The following NELL2 variants were observed in gnomAD, a reference collection of about 807,000 sequenced individuals.
NELL2 encodes protein kinase C-binding protein NELL2.
In NELL2, 41 loss-of-function variants were observed where a neutral mutation model predicts 109.6. The ratio of observed to expected loss-of-function variants is 0.37; its 90% CI spans 0.29 to 0.49. NELL2 has a LOEUF of 0.49. NELL2 is among the 20% of genes least tolerant of loss of function. NELL2 has a pLI of 0.98. For missense variants in NELL2, 900 were observed against 1,008.3 expected (o/e 0.89, Z 1.45); for synonymous variants, 355 against 344.7 (o/e 1.03, Z -0.33).
chr12:44,875,776 G>A, intron 1 of NELL2, 39 bp downstream of exon 1: 1 of 1,612,338 alleles, frequency 6.2e-7, no homozygotes, highest in Non-Finnish European at 8.5e-7. Flanking sequence ...CGAGGCGGGA[G>A]CCATCCCTTT....
chr12:44,785,363 T>C (rs1206987434), intron 3 of NELL2, among the ~76,000 whole-genome samples: 3 of 152,110 alleles, frequency 2.0e-5, no homozygotes, highest in African/African-American at 7.2e-5. Context: ...TACAAACCAA[T>C]GCTGGAAATA....
chr12:44,774,790 C>T lies in NELL2; in HGVS notation c.951G>A (p.Ser317=), dbSNP rs200886275. The T allele has an allele frequency of 3.7e-6, 6 of 1,614,076 alleles. No individual in the cohort carries two copies. The highest frequency in any genetic ancestry group is 4.2e-6 in the Non-Finnish European group (5 of 1,180,008). ...ATTTGCCATCCACATACGCAAGAGC[C>T]GACTTAAGTGGGCAGTCAGGATTTG... ...ICPNPDCPLK[S]ALAYVDGKCC... Residue 317 remains serine, a synonymous_variant, in exon 9 of 20, where the codon TCG becomes TCA. Coordinates refer to ENST00000429094, the MANE Select transcript of NELL2 (RefSeq NM_001145108.2).
chr12:44,658,877 C>CAAAAAAAAAAAA (rs58696965), intron 13 of NELL2, among the ~76,000 whole-genome samples: 14 of 69,844 alleles, frequency 2.0e-4, no homozygotes, highest in Non-Finnish European at 2.7e-4. Flanking sequence ...ACTCTGTCTC[C>CAAAAAAAAAAAA]AAAAAAAAAA....
chr12:44,651,099 C>T (rs1248856204), intron 13 of NELL2, among the ~76,000 whole-genome samples: 2 of 152,172 alleles, frequency 1.3e-5, no homozygotes, highest in Admixed American at 6.5e-5. Context: ...ATGAACTGCA[C>T]ATGCAAGGGA....
chr12:44,698,562 A>G (rs2136410569), intron 12 of NELL2, among the ~76,000 whole-genome samples: 1 of 152,320 alleles, frequency 6.6e-6, no homozygotes, highest in African/African-American at 2.4e-5. Flanking sequence ...ACATGAAGTG[A>G]AAAATGACAC....
intron 15 of NELL2, among the ~76,000 whole-genome samples, chr12:44,567,550 C>A (rs776478232): frequency 2.0e-5 from 3 of 151,896 alleles, no homozygotes; most frequent in Admixed American, 6.6e-5. Flanking sequence ...AAAAGAAAGG[C>A]TAAAACAAGG....
chr12:44,813,288 C>G (rs1364796719), intron 3 of NELL2, among the ~76,000 whole-genome samples: 1 of 152,120 alleles, frequency 6.6e-6, no homozygotes, highest in Admixed American at 6.5e-5. Context: ...TAACTGTTAG[C>G]TTACTCAGCA....
intron 13 of NELL2, among the ~76,000 whole-genome samples, chr12:44,661,651 CAAG>C (rs1947746346): frequency 6.6e-6 from 1 of 152,056 alleles, no homozygotes; most frequent in South Asian, 2.1e-4. Context: ...CAGTAAAACT[CAAG>C]AAGATCTACC....
chr12:44,918,686 A>T (rs1945847077), upstream of NELL2, among the ~76,000 whole-genome samples: 1 of 152,154 alleles, frequency 6.6e-6, no homozygotes, highest in South Asian at 2.1e-4. Flanking sequence ...ATGAAGACTC[A>T]TTCTTCCACC....
At chr12:44,816,898 A>G (rs1273226160) in intron 2 of NELL2, among the ~76,000 whole-genome samples, 1 of 152,244 alleles carries the variant, frequency 6.6e-6, no homozygotes, top group African/African-American at 2.4e-5. Context: ...AAGGATAGAA[A>G]TGCACTTAGG....
chr12:44,728,314 T>A (rs1357813104), intron 9 of NELL2, among the ~76,000 whole-genome samples: 1 of 152,038 alleles, frequency 6.6e-6, no homozygotes, highest in East Asian at 1.9e-4. Flanking sequence ...ACCAAACAGA[T>A]ATTTAGAATG....
intron 12 of NELL2, among the ~76,000 whole-genome samples, chr12:44,694,037 C>G (rs973002117): frequency 1.3e-5 from 2 of 152,194 alleles, no homozygotes; most frequent in African/African-American, 4.8e-5. Context: ...GCTCTTCTCT[C>G]TCTTTCTCTT....
chr12:44,779,970 G>T lies in NELL2; in HGVS notation c.388C>A (p.Arg130Ser). Residue 130 changes from arginine to serine, a missense_variant, in exon 4 of 20, where the codon CGC becomes AGC. Arg to Ser is a moderately radical substitution (Grantham distance 110). Transcript: ENST00000429094. Reference sequence around the variant, plus strand: ...GTGTGAGGGCGGTGACTGCCTGAGCGGTAATGCAGTCTGACTTCATTCCGA... The same window carrying T: ...GTGTGAGGGCGGTGACTGCCTGAGCTGTAATGCAGTCTGACTTCATTCCGA... ...GHRNEVRLHYRSGSHRPHTEV... is the reference protein window; with the variant it reads ...GHRNEVRLHYSSGSHRPHTEV... 1.9e-6 allele frequency: 3 copies of T among 1,613,894 alleles called. No individual in the cohort carries two copies. The highest frequency in any genetic ancestry group is 2.5e-6 in the Non-Finnish European group (3 of 1,179,818).
intron 16 of NELL2, among the ~76,000 whole-genome samples, chr12:44,525,353 G>A (rs1941716325): frequency 6.6e-6 from 1 of 152,166 alleles, no homozygotes; most frequent in Non-Finnish European, 1.5e-5. Flanking sequence ...AGAGTAAAAA[G>A]TTGCTCATAA....
chr12:44,837,147 G>A (rs149795345), intron 2 of NELL2, among the ~76,000 whole-genome samples: 11 of 152,296 alleles, frequency 7.2e-5, no homozygotes, highest in African/African-American at 2.4e-4. Context: ...ACTATGTGAG[G>A]CACTTTCCTA....
At chr12:44,816,312 C>T (rs1943350274) in intron 2 of NELL2, among the ~76,000 whole-genome samples, 176 bp from the exon 3 acceptor site, 1 of 152,124 alleles carries the variant, frequency 6.6e-6, no homozygotes, top group African/African-American at 2.4e-5. Flanking sequence ...TATATAATAA[C>T]ACAGGACAAT....
At chr12:44,642,392 C>T (rs1397761070) in intron 13 of NELL2, among the ~76,000 whole-genome samples, 1 of 152,030 alleles carries the variant, frequency 6.6e-6, no homozygotes, top group Non-Finnish European at 1.5e-5. Flanking sequence ...TTCATAGATT[C>T]CACTCATAAA....
chr12:44,760,134 T>C (rs911111524), intron 9 of NELL2, among the ~76,000 whole-genome samples: 2 of 152,208 alleles, frequency 1.3e-5, no homozygotes, highest in Non-Finnish European at 2.9e-5. Context: ...CATTTCCTTA[T>C]CACTTAAGCA....
At chr12:44,672,377 G>A (rs1948170263) in intron 12 of NELL2, among the ~76,000 whole-genome samples, 1 of 152,102 alleles carries the variant, frequency 6.6e-6, no homozygotes. Context: ...AGGGATCTAG[G>A]TTGTGTGCTC....
Sources: allele counts gnomAD v4.1 joint callset (sites outside exome capture counted in the v4.1 genomes callset), GRCh38; gene constraint gnomAD v4.1.1; transcripts MANE v1.5; gene names NCBI Gene and HGNC (gene_info 2026-07-23, HGNC 2026-07-21).